Variants in BATF2 observed in about 807,000 individuals in gnomAD.
BATF2 encodes basic leucine zipper transcriptional factor ATF-like 2.
Under a neutral mutation model 7.3 loss-of-function variants are expected in BATF2, and 4 were observed. The ratio of observed to expected loss-of-function variants is 0.55; its 90% CI spans 0.27 to 1.26. BATF2 has a LOEUF of 1.26. Among genes scored for constraint, BATF2 ranks in the 50% most tolerant of loss-of-function variants. The pLI, the probability that BATF2 is intolerant of heterozygous loss-of-function variation, is 0.11. For synonymous variants in BATF2, 152 were observed against 153.9 expected (o/e 0.99, Z 0.09); for missense variants, 295 against 340.5 (o/e 0.87, Z 1.05).
Position 64,988,982 on chromosome 11 carries a change from C to A in BATF2, c.*147G>T. On this transcript the variant is annotated 3_prime_UTR_variant, in exon 3 of 3. Transcript: ENST00000301887. The stretch of plus-strand genomic sequence containing the variant: ...CAGGGCCTGTCACAGTGGGAGGCAT[C>A]AGTGGTGGCTTCCTTTTCGACTGTG... 2.6e-6 allele frequency: 2 copies of A among 775,478 alleles called. No individual in the cohort carries two copies. Among genetic ancestry groups the A allele is most frequent in the East Asian group, 2.6e-5 (1 of 38,262 alleles). The allele number at this position is 775,478 out of a possible 1,614,324, so 48.0% of individuals were successfully genotyped here.
In BATF2 at chr11:64,996,961, C is replaced by G; in HGVS notation, c.-47G>C. 1 of 1,532,242 alleles carries G rather than the reference C, an allele frequency of 6.5e-7. No individual in the cohort carries two copies. The highest frequency in any genetic ancestry group is 8.8e-7 in the Non-Finnish European group (1 of 1,136,498). 94.9% of individuals were successfully genotyped at this position (1,532,242 alleles called of 1,614,324 possible). On this transcript the variant is annotated 5_prime_UTR_variant, in exon 1 of 3. Transcript: ENST00000301887. ...TGGTCCCTCAGCAGCTGTGACTTCC[C>G]AGTGCCCTCTGGAGGCCTAAGGAAG...
intron 2 of BATF2, among the ~76,000 whole-genome samples, chr11:64,991,266 C>T (rs565192719): frequency 6.6e-6 from 1 of 151,150 alleles, no homozygotes; most frequent in East Asian, 1.9e-4. Flanking sequence ...AAACGATTCT[C>T]CTGCCTCAGC....
intron 2 of BATF2, chr11:64,990,524 C>T (rs757686961): frequency 1.5e-5 from 17 of 1,131,866 alleles, no homozygotes; most frequent in African/African-American, 3.2e-5. Context: ...TGAGTGTGTT[C>T]GATTCTGCAT....
chr11:64,990,596 C>T (rs1946068208), intron 2 of BATF2: 1 of 1,046,804 alleles, frequency 9.6e-7, no homozygotes, highest in East Asian at 7.7e-5. Context: ...ACCCCTGAGA[C>T]ACAATCAATG....
chr11:64,992,026 T>TG (rs1024807621), intron 2 of BATF2, among the ~76,000 whole-genome samples: 3 of 151,788 alleles, frequency 2.0e-5, no homozygotes, highest in South Asian at 2.1e-4. Context: ...ATCGCCTTTT[T>TG]TTGTTGTTGT....
Position 64,989,635 on chromosome 11 carries a change from G to T in BATF2, c.319C>A (p.Leu107Met). The change falls in exon 3 of 3, where the codon CTG becomes ATG. Residue 107 changes from leucine (L) to methionine (M), a missense_variant. Coordinates refer to ENST00000301887, the MANE Select transcript of BATF2 (RefSeq NM_138456.4). The surrounding 1 kb of genome is among the most constrained non-coding windows in gnomAD (Gnocchi z 4.3). ...TGTTGTCCCTGTGGGCCAGGGCCCA[G>T]GAGCCCCTCAGCCTGGTCCCAGCAG... ...LGCWDQAEGL[L>M]GPGPQGQHGC... The T allele has an allele frequency of 6.2e-7, 1 of 1,612,274 alleles. No individual in the cohort carries two copies.
Position 64,989,950 on chromosome 11 carries a change from G to A in BATF2, c.142-138C>T. ...TGGAATAGCCAAGTGGGGTCTCTTGGCCACTCTCTGGCCAGCCCTTCATAA... is the reference window on the plus strand; with the variant it reads ...TGGAATAGCCAAGTGGGGTCTCTTGACCACTCTCTGGCCAGCCCTTCATAA... On this transcript the variant is annotated intron_variant, in intron 2 of 2. Coordinates refer to ENST00000301887, the MANE Select transcript of BATF2 (RefSeq NM_138456.4). The surrounding 1 kb of genome is among the most constrained non-coding windows in gnomAD (Gnocchi z 4.3). The A allele has an allele frequency of 1.4e-6, 2 of 1,444,540 alleles. No homozygotes were observed. Among genetic ancestry groups the A allele is most frequent in the Non-Finnish European group, 1.9e-6 (2 of 1,053,518 alleles). 89.5% of individuals were successfully genotyped at this position (1,444,540 alleles called of 1,614,324 possible).
At chr11:64,993,219 G>C (rs555126245) in intron 2 of BATF2, among the ~76,000 whole-genome samples, 1 of 152,198 alleles carries the variant, frequency 6.6e-6, no homozygotes, top group Non-Finnish European at 1.5e-5. Flanking sequence ...AATTAGGTGG[G>C]CGTAGTGGCG....
chr11:64,988,230 G>A lies in BATF2; in HGVS notation c.*899C>T, dbSNP rs1275051813. ...AGCAATGAGGGAACTGCTTAGGAGGGGTCTGAGGGTGATGAGGGCCTGGGG... is the reference window on the plus strand; with the variant it reads ...AGCAATGAGGGAACTGCTTAGGAGGAGTCTGAGGGTGATGAGGGCCTGGGG... On this transcript the variant is annotated 3_prime_UTR_variant, in exon 3 of 3. Coordinates refer to ENST00000301887, the MANE Select transcript of BATF2 (RefSeq NM_138456.4). 1 of 152,330 alleles carries A rather than the reference G, an allele frequency of 6.6e-6. No homozygotes were observed. Among genetic ancestry groups the A allele is most frequent in the African/African-American group, 2.4e-5 (1 of 41,452 alleles). The allele number at this position is 152,330 out of a possible 1,614,324, so 9.4% of individuals were successfully genotyped here.
Position 64,988,994 on chromosome 11 carries a change from C to T in BATF2, c.*135G>A, listed in dbSNP as rs1590719206. On this transcript the variant is annotated 3_prime_UTR_variant, in exon 3 of 3. Transcript: ENST00000301887. ...CAGTGGGAGGCATCAGTGGTGGCTT[C>T]CTTTTCGACTGTGAAATCCTGGGCC... 1 of 942,360 alleles carries T rather than the reference C, an allele frequency of 1.1e-6. No individual in the cohort carries two copies. Among genetic ancestry groups the T allele is most frequent in the South Asian group, 1.5e-5 (1 of 65,886 alleles). The allele number at this position is 942,360 out of a possible 1,614,324, so 58.4% of individuals were successfully genotyped here. A position where few individuals can be genotyped will look rare whatever the true frequency, so the allele number is the denominator to read the frequency against.
intron 2 of BATF2, among the ~76,000 whole-genome samples, chr11:64,992,355 C>T (rs1946083494): frequency 6.6e-6 from 1 of 152,090 alleles, no homozygotes; most frequent in Admixed American, 6.5e-5. Context: ...GCGTGAGCCA[C>T]CGCGCCTGGC....
At chr11:64,994,398 G>T in intron 2 of BATF2, 50 bp downstream of exon 2, 1 of 1,519,380 alleles carries the variant, frequency 6.6e-7, no homozygotes, top group Non-Finnish European at 8.9e-7. Context: ...AGGTGGCTGG[G>T]CCAGTAAGTG....
intron 2 of BATF2, among the ~76,000 whole-genome samples, chr11:64,991,829 C>T (rs1283029849): frequency 1.3e-5 from 2 of 152,170 alleles, no homozygotes; most frequent in African/African-American, 2.4e-5. Flanking sequence ...ATAAGCATTT[C>T]CAGAAGGAAG....
chr11:64,990,099 C>T (rs760705846), intron 2 of BATF2: 252 of 1,535,688 alleles, frequency 1.6e-4, no homozygotes, highest in Non-Finnish European at 2.1e-4. Flanking sequence ...GCCTCCAACC[C>T]GTGTGTCCCC....
In BATF2 at chr11:64,989,540, T is replaced by C. The variant is rs148209044; in HGVS notation, c.414A>G (p.Pro138=). 14 of 1,591,350 alleles carry C rather than the reference T, an allele frequency of 8.8e-6. No homozygotes were observed. The highest frequency in any genetic ancestry group is 4.0e-5 in the African/African-American group (3 of 74,410). Residue 138 remains proline (P), a synonymous_variant, in exon 3 of 3, where the codon CCA becomes CCG. Coordinates refer to ENST00000301887, the MANE Select transcript of BATF2 (RefSeq NM_138456.4). This position sits in a 1 kb window ranked among gnomAD's most constrained non-coding sequence, Gnocchi z 4.3. ...GSCYPAQPLS[P]GPQPHDSPSL... ...TGGGAGAATCATGAGGCTGTGGACCTGGAGAGAGCGGCTGAGCTGGGTAAC... is the reference window on the plus strand; with the variant it reads ...TGGGAGAATCATGAGGCTGTGGACCCGGAGAGAGCGGCTGAGCTGGGTAAC...
chr11:64,992,643 T>C (rs1370985297), intron 2 of BATF2, among the ~76,000 whole-genome samples: 1 of 151,604 alleles, frequency 6.6e-6, no homozygotes, highest in Non-Finnish European at 1.5e-5. Flanking sequence ...GGTGGATCAA[T>C]TGAGTCCAGG....
rs773653917 is a variant in BATF2, at chr11:64,989,739, C to A, written c.215G>T (p.Trp72Leu). Residue 72 changes from tryptophan (W) to leucine (L), a missense_variant, in exon 3 of 3, where the codon TGG (tryptophan) becomes TTG (leucine). By Grantham distance (61) the Trp-to-Leu change is moderately conservative (BLOSUM62 -2). Transcript: ENST00000301887. This position sits in a 1 kb window ranked among gnomAD's most constrained non-coding sequence, Gnocchi z 4.3. ...EIQSLQAELA[W>L]WSRTLHVHER... is the part of the protein sequence containing the mutation. ...ATGCACGTGCAGGGTCCGGCTCCAC[C>A]ACGCCAGCTCGGCCTGCAGGGACTG... 8 of 1,614,050 alleles carry A rather than the reference C, an allele frequency of 5.0e-6. No homozygotes were observed. Among genetic ancestry groups the A allele is most frequent in the Non-Finnish European group, 6.8e-6 (8 of 1,180,026 alleles).
chr11:64,991,329 G>A (rs1013277517), intron 2 of BATF2, among the ~76,000 whole-genome samples: 1 of 151,078 alleles, frequency 6.6e-6, no homozygotes, highest in Non-Finnish European at 1.5e-5. Flanking sequence ...GCTAATTTTT[G>A]TATTTTTACT....
intron 2 of BATF2, chr11:64,990,223 T>C (rs771333920): frequency 1.9e-4 from 285 of 1,533,964 alleles, no homozygotes; most frequent in Non-Finnish European, 2.4e-4. Context: ...TCCAGGCCTG[T>C]GTAGTGGCTG....
Sources: gnomAD v4.1 joint callset for allele counts (sites outside exome capture counted in the v4.1 genomes callset) on GRCh38, gnomAD v4.1.1 for gene constraint, Gnocchi (gnomAD v3.1) non-coding constraint, MANE v1.5 for transcripts, NCBI Gene and HGNC (gene_info 2026-07-23, HGNC 2026-07-21) for gene names.